The following OPCML variants were observed in gnomAD, a reference collection of about 807,000 sequenced individuals.
OPCML encodes opioid-binding protein/cell adhesion molecule.
In OPCML, 13 loss-of-function variants were observed where a neutral mutation model predicts 37.8. The ratio of observed to expected loss-of-function variants is 0.34; its 90% CI spans 0.22 to 0.55. The LOEUF (loss-of-function observed/expected upper bound fraction) is 0.55, where lower values mean the gene tolerates loss of function less well. Ranked by LOEUF, OPCML falls within the 20% of genes least tolerant of loss-of-function variation. The pLI, the probability that OPCML is intolerant of heterozygous loss-of-function variation, is 0.91. For missense variants in OPCML, 341 were observed against 435.6 expected, an observed-to-expected ratio of 0.78 and a Z score of 1.93; for synonymous variants, 176 against 168.8, an observed-to-expected ratio of 1.04 and a Z score of -0.33.
chr11:132,471,029 T>C (rs901630369), intron 4 of OPCML, among the ~76,000 whole-genome samples: 2 of 152,100 alleles, frequency 1.3e-5, no homozygotes, highest in African/African-American at 4.8e-5. Flanking sequence ...CAATGTGAGG[T>C]CCTAGAAGTC....
intron 1 of OPCML, among the ~76,000 whole-genome samples, chr11:133,467,761 A>G (rs1947009630): frequency 6.6e-6 from 1 of 152,078 alleles, no homozygotes; most frequent in Non-Finnish European, 1.5e-5. Flanking sequence ...CTGTGACACT[A>G]CCAATTCAGG....
intron 1 of OPCML, among the ~76,000 whole-genome samples, chr11:133,252,788 T>A (rs1474267453): frequency 1.3e-5 from 2 of 152,064 alleles, no homozygotes; most frequent in East Asian, 3.9e-4. Flanking sequence ...AGGGTTATGG[T>A]CAATTTCCCC....
rs372688076 is a variant in OPCML, at chr11:133,312,511, G to C, written c.61+219753C>G. Among the ~76,000 whole-genome samples the C allele has an allele frequency of 3.7e-4, 56 of 152,246 alleles. No individual in the cohort carries two copies. The East Asian group carries it at 9.9e-3, about 27-fold the overall frequency. On this transcript the variant is annotated intron_variant, in intron 1 of 7. Transcript: ENST00000524381. ...CTGTTTGAATTAGTTCCAAGGCAGGGGTAATTGTCTAACTCTTCCCTTTGC... is the reference window on the plus strand; with the variant it reads ...CTGTTTGAATTAGTTCCAAGGCAGGCGTAATTGTCTAACTCTTCCCTTTGC...
At chr11:132,996,342 G>T (rs557784637) in intron 1 of OPCML, among the ~76,000 whole-genome samples, 42 of 152,072 alleles carry the variant, frequency 2.8e-4, no homozygotes, top group South Asian at 1.7e-3. Flanking sequence ...ATTCATAGCT[G>T]GGTACAGTGG....
chr11:132,652,649 T>G (rs181324236), intron 3 of OPCML, among the ~76,000 whole-genome samples: 2 of 152,322 alleles, frequency 1.3e-5, no homozygotes, highest in Admixed American at 1.3e-4. Context: ...GAGTCAAAGG[T>G]GACAAACACT....
rs192968807 is a variant in OPCML at position 133,422,141 on chromosome 11, C to T, written c.61+110123G>A. ...TAGCCCCCCACCCCCTGGCAGGCCC[C>T]GATGTGTTTGTTTGTTTGTTGTTGT... On this transcript the variant is annotated intron_variant, in intron 1 of 7. Coordinates refer to ENST00000524381, the MANE Select transcript of OPCML (RefSeq NM_001012393.5). 1,730 of 984,124 alleles carry T rather than the reference C, an allele frequency of 1.8e-3. 26 individuals are homozygous for T. In the African/African-American group the frequency reaches 0.029, roughly 16 times the overall value. The allele number at this position is 984,124 out of a possible 1,614,324, so 61.0% of individuals were successfully genotyped here.
chr11:132,814,386 C>A (rs369649680), intron 2 of OPCML, among the ~76,000 whole-genome samples: 16 of 152,294 alleles, frequency 1.1e-4, no homozygotes, highest in African/African-American at 3.8e-4. Context: ...TGGTATAATT[C>A]AGTCCAGTGC....
At chr11:133,309,393 T>C (rs1433879791) in intron 1 of OPCML, among the ~76,000 whole-genome samples, 1 of 152,128 alleles carries the variant, frequency 6.6e-6, no homozygotes, top group Non-Finnish European at 1.5e-5. Context: ...ATCCCAATTG[T>C]GGAATATTGT....
intron 1 of OPCML, among the ~76,000 whole-genome samples, chr11:133,063,277 G>A (rs565204716): frequency 4.6e-5 from 7 of 152,254 alleles, no homozygotes; most frequent in Admixed American, 2.0e-4. Flanking sequence ...CCTGGGCCAC[G>A]GCTAGCCCTC....
chr11:133,197,724 A>T (rs1938591094), intron 1 of OPCML, among the ~76,000 whole-genome samples: 1 of 152,236 alleles, frequency 6.6e-6, no homozygotes, highest in Admixed American at 6.5e-5. Context: ...CAAGAGCTTG[A>T]GATCCAGCAA....
chr11:133,021,493 G>C (rs911160039), intron 1 of OPCML, among the ~76,000 whole-genome samples: 2 of 152,048 alleles, frequency 1.3e-5, no homozygotes, highest in African/African-American at 4.8e-5. Context: ...TGTACGTAAG[G>C]CTTTCTCAAC....
At chr11:133,142,870 A>G (rs566938686) in intron 1 of OPCML, among the ~76,000 whole-genome samples, 1 of 152,016 alleles carries the variant, frequency 6.6e-6, no homozygotes, top group Non-Finnish European at 1.5e-5. Context: ...TGCCCATACA[A>G]CACAGTCTGG....
chr11:133,184,413 T>C lies in OPCML; in HGVS notation c.62-241403A>G, dbSNP rs529651963. 6.6e-5 allele frequency among the ~76,000 whole-genome samples: 10 copies of C among 152,208 alleles called. No individual in the cohort carries two copies. The East Asian group carries it at 9.7e-4, about 15-fold the overall frequency. On this transcript the variant is annotated intron_variant, in intron 1 of 7. Transcript: ENST00000524381. ...TCAACCTTGAAGGATGGGAAGGTTATGAATGAGGTACCGCTGGCATGGGAT... is the reference window on the plus strand; with the variant it reads ...TCAACCTTGAAGGATGGGAAGGTTACGAATGAGGTACCGCTGGCATGGGAT...
rs563042117 is a variant in OPCML, at chr11:133,493,931, A to C, written c.61+38333T>G. On this transcript the variant is annotated intron_variant, in intron 1 of 7. Coordinates refer to ENST00000524381, the MANE Select transcript of OPCML (RefSeq NM_001012393.5). ...CCATCAGAGTGAACAGGCAACCCACAAAATGGGAGAAAATTTTCACATCCT... is the reference window on the plus strand; with the variant it reads ...CCATCAGAGTGAACAGGCAACCCACCAAATGGGAGAAAATTTTCACATCCT... Among the ~76,000 whole-genome samples, 5 of 152,216 alleles carry C rather than the reference A, an allele frequency of 3.3e-5. No individual in the cohort carries two copies. In the South Asian group the frequency reaches 1.0e-3, roughly 32 times the overall value.
intron 2 of OPCML, among the ~76,000 whole-genome samples, chr11:132,674,264 A>G (rs1365775141): frequency 6.6e-6 from 1 of 152,238 alleles, no homozygotes; most frequent in Admixed American, 6.5e-5. Flanking sequence ...AGAGAGAACT[A>G]GAGAGGCTTG....
intron 1 of OPCML, among the ~76,000 whole-genome samples, chr11:133,009,746 A>G (rs558252877): frequency 1.3e-5 from 2 of 152,296 alleles, no homozygotes; most frequent in South Asian, 2.1e-4. Context: ...TTGTGCTCCT[A>G]TGAGAATCTA....
chr11:133,013,620 A>T (rs1947262728), intron 1 of OPCML, among the ~76,000 whole-genome samples: 1 of 152,224 alleles, frequency 6.6e-6, no homozygotes, highest in South Asian at 2.1e-4. Context: ...TTTTAGGAAG[A>T]TGGTCAAAAG....
chr11:133,458,884 CAT>C (rs769810561), intron 1 of OPCML, among the ~76,000 whole-genome samples: 70 of 134,870 alleles, frequency 5.2e-4, no homozygotes, highest in South Asian at 2.5e-3. Flanking sequence ...CATACACACA[CAT>C]GTGTGTGTAT....
At chr11:133,405,906 G>A (rs1397136682) in intron 1 of OPCML, among the ~76,000 whole-genome samples, 1 of 152,126 alleles carries the variant, frequency 6.6e-6, no homozygotes, top group Non-Finnish European at 1.5e-5. Context: ...TGCAGTCCAG[G>A]CAAGGTAGAG....
Sources: gnomAD v4.1 joint callset for allele counts (sites outside exome capture counted in the v4.1 genomes callset) on GRCh38, gnomAD v4.1.1 for gene constraint, MANE v1.5 for transcripts, NCBI Gene and HGNC (gene_info 2026-07-23, HGNC 2026-07-21) for gene names.